Variants in CHSY3 observed in about 807,000 individuals in gnomAD.
CHSY3 encodes the protein chondroitin sulfate synthase 3, also known as N-acetylgalactosaminyl-proteoglycan 3-beta-glucuronosyltransferase 3.
In CHSY3, 35 loss-of-function variants were observed where a neutral mutation model predicts 67.2. The ratio of observed to expected loss-of-function variants is 0.52; its 90% CI spans 0.40 to 0.69. The LOEUF (loss-of-function observed/expected upper bound fraction) is 0.69, where lower values mean the gene tolerates loss of function less well. Ranked by LOEUF, CHSY3 falls within the 30% of genes least tolerant of loss-of-function variation. The probability of loss-of-function intolerance (pLI) is 0.00; values close to 1 mark genes in which losing one functional copy is unlikely to be tolerated. For missense variants in CHSY3, 1,069 were observed against 1,138.5 expected (o/e 0.94, Z 0.88); for synonymous variants, 474 against 434.7 (o/e 1.09, Z -1.12).
chr5:130,183,672 TCTCA>T (rs1362953035), intron 2 of CHSY3, among the ~76,000 whole-genome samples: 5 of 152,116 alleles, frequency 3.3e-5, no homozygotes, highest in African/African-American at 1.2e-4. Flanking sequence ...ACATTTGTGC[TCTCA>T]CTCATATATA....
At chr5:129,949,958 G>T (rs1761977601) in intron 2 of CHSY3, among the ~76,000 whole-genome samples, 1 of 152,108 alleles carries the variant, frequency 6.6e-6, no homozygotes, top group South Asian at 2.1e-4. Context: ...GAGGTCAGGA[G>T]ATCGAGACCA....
intron 2 of CHSY3, among the ~76,000 whole-genome samples, chr5:130,119,419 T>G (rs1054597004): frequency 2.6e-4 from 39 of 152,182 alleles, no homozygotes; most frequent in African/African-American, 9.4e-4. Flanking sequence ...CTAAACATCC[T>G]AACTGTTTCT....
chr5:130,042,428 A>G (rs1765031040), intron 2 of CHSY3, among the ~76,000 whole-genome samples: 1 of 152,074 alleles, frequency 6.6e-6, no homozygotes, highest in South Asian at 2.1e-4. Flanking sequence ...AATTGTTGGA[A>G]CCTTCTATTA....
At chr5:129,996,053 A>G (rs1238961064) in intron 2 of CHSY3, among the ~76,000 whole-genome samples, 1 of 152,122 alleles carries the variant, frequency 6.6e-6, no homozygotes, top group Non-Finnish European at 1.5e-5. Flanking sequence ...TCATTTGCCA[A>G]CGATCTTATT....
At chr5:130,168,104 T>G (rs2149731362) in intron 2 of CHSY3, among the ~76,000 whole-genome samples, 1 of 152,250 alleles carries the variant, frequency 6.6e-6, no homozygotes, top group African/African-American at 2.4e-5. Flanking sequence ...AACCCAGGTC[T>G]AACTCCACCA....
chr5:129,913,877 GT>G (rs1020753913), intron 2 of CHSY3, among the ~76,000 whole-genome samples: 1 of 152,060 alleles, frequency 6.6e-6, no homozygotes, highest in Admixed American at 6.5e-5. Context: ...ACACTAGAAT[GT>G]TTTATGTTCA....
At chr5:130,041,821 T>C (rs951413939) in intron 2 of CHSY3, among the ~76,000 whole-genome samples, 1 of 152,158 alleles carries the variant, frequency 6.6e-6, no homozygotes, top group Non-Finnish European at 1.5e-5. Flanking sequence ...TGTTTAAAAA[T>C]GTGAAAGTTT....
At chr5:130,088,705 T>G (rs1231948349) in intron 2 of CHSY3, among the ~76,000 whole-genome samples, 9 of 152,024 alleles carry the variant, frequency 5.9e-5, no homozygotes, top group Non-Finnish European at 1.0e-4. Flanking sequence ...TGGCAATCAT[T>G]AAAAAGTCAG....
chr5:130,083,283 C>G (rs2149687676), intron 2 of CHSY3, among the ~76,000 whole-genome samples: 1 of 152,080 alleles, frequency 6.6e-6, no homozygotes, highest in Admixed American at 6.6e-5. Context: ...ATTCATTTCT[C>G]AATTCATCTT....
intron 2 of CHSY3, among the ~76,000 whole-genome samples, chr5:129,973,044 T>C (rs1762690049): frequency 6.6e-6 from 1 of 152,072 alleles, no homozygotes; most frequent in Admixed American, 6.6e-5. Flanking sequence ...TGTAACTCTC[T>C]CACATGATGC....
intron 2 of CHSY3, among the ~76,000 whole-genome samples, chr5:130,064,760 C>A (rs1295681892): frequency 6.6e-6 from 1 of 152,074 alleles, no homozygotes; most frequent in Admixed American, 6.6e-5. Context: ...AAGTTAAGTC[C>A]AAACAAAGTC....
intron 2 of CHSY3, among the ~76,000 whole-genome samples, chr5:129,980,738 T>C (rs1762956338): frequency 6.6e-6 from 1 of 152,014 alleles, no homozygotes; most frequent in Admixed American, 6.6e-5. Flanking sequence ...CATTTGGGAG[T>C]TTTGGAGTTT....
chr5:130,039,985 G>A (rs769569437), intron 2 of CHSY3, among the ~76,000 whole-genome samples: 8 of 152,068 alleles, frequency 5.3e-5, no homozygotes, highest in Non-Finnish European at 1.0e-4. Context: ...TGACATTGTC[G>A]CTTTAGGGAG....
chr5:129,943,496 A>G (rs904920791), intron 2 of CHSY3, among the ~76,000 whole-genome samples: 1 of 152,138 alleles, frequency 6.6e-6, no homozygotes, highest in Non-Finnish European at 1.5e-5. Context: ...AGATAAAACT[A>G]TATTATTATT....
chr5:130,118,471 C>T (rs1767894520), intron 2 of CHSY3, among the ~76,000 whole-genome samples: 4 of 150,366 alleles, frequency 2.7e-5, no homozygotes, highest in South Asian at 2.1e-4. Flanking sequence ...TATACACATA[C>T]ATATATATAA....
chr5:129,937,240 G>T (rs1366714796), intron 2 of CHSY3, among the ~76,000 whole-genome samples: 2 of 152,288 alleles, frequency 1.3e-5, no homozygotes, highest in South Asian at 4.1e-4. Context: ...CTTTATGGTG[G>T]AAGGTGAAGG....
At chr5:130,067,580 C>A (rs890557983) in intron 2 of CHSY3, among the ~76,000 whole-genome samples, 1 of 152,150 alleles carries the variant, frequency 6.6e-6, no homozygotes, top group African/African-American at 2.4e-5. Context: ...CCTGTGCCAC[C>A]TCTGTACTCT....
At chr5:129,999,111 A>G (rs1419746557) in intron 2 of CHSY3, among the ~76,000 whole-genome samples, 1 of 142,228 alleles carries the variant, frequency 7.0e-6, no homozygotes, top group Non-Finnish European at 1.5e-5. Flanking sequence ...ATACAGATCT[A>G]GCTCCCCCCT....
chr5:129,907,118 C>A (rs932531474), intron 1 of CHSY3, among the ~76,000 whole-genome samples: 3 of 152,164 alleles, frequency 2.0e-5, no homozygotes, highest in Non-Finnish European at 4.4e-5. Flanking sequence ...GGTTTCCTGG[C>A]AGAAGTTTGC....
Sources: allele counts gnomAD v4.1 joint callset (sites outside exome capture counted in the v4.1 genomes callset), GRCh38; gene constraint gnomAD v4.1.1; transcripts MANE v1.5; gene names NCBI Gene and HGNC (gene_info 2026-07-23, HGNC 2026-07-21).